The following ATP13A4 variants were observed in gnomAD, a reference collection of about 807,000 sequenced individuals.
ATP13A4 encodes the protein ATPase 13A4, also known as probable cation-transporting ATPase 13A4.
ATP13A4 carries 114 observed loss-of-function variants against 142.5 expected under a neutral mutation model. The ratio of observed to expected loss-of-function variants is 0.80; its 90% CI spans 0.69 to 0.93. ATP13A4 has a LOEUF of 0.93. Among genes scored for constraint, ATP13A4 ranks in the 40% least tolerant of loss-of-function variants. The pLI is 0.00. For missense variants in ATP13A4, 1,392 were observed against 1,454.0 expected (o/e 0.96, Z 0.69); for synonymous variants, 488 against 514.8 (o/e 0.95, Z 0.70).
At chr3:193,479,001 A>C (rs554021737) in intron 8 of ATP13A4, among the ~76,000 whole-genome samples, 41 of 152,256 alleles carry the variant, frequency 2.7e-4, no homozygotes, top group African/African-American at 8.9e-4. Flanking sequence ...CACATAAAGA[A>C]AATTGAAAAC....
chr3:193,441,669 A>G, intron 19 of ATP13A4, 81 bp from the exon 20 acceptor site: 3 of 1,505,796 alleles, frequency 2.0e-6, no homozygotes, highest in Non-Finnish European at 2.8e-6. Flanking sequence ...AGAGAAGTTA[A>G]TGAAGACAGA....
At chr3:193,586,267 C>T (rs1357058091) in intron 1 of ATP13A4, among the ~76,000 whole-genome samples, 1 of 152,136 alleles carries the variant, frequency 6.6e-6, no homozygotes, top group East Asian at 1.9e-4. Context: ...AAAATATTTT[C>T]TTCCAATTTG....
intron 3 of ATP13A4, among the ~76,000 whole-genome samples, chr3:193,498,356 T>C (rs1244808387): frequency 2.0e-5 from 3 of 149,366 alleles, no homozygotes; most frequent in Admixed American, 6.7e-5. Flanking sequence ...AAAAAGGAAG[T>C]GAGGGTCTGA....
chr3:193,508,100 C>T (rs1416744055), intron 2 of ATP13A4, among the ~76,000 whole-genome samples: 1 of 152,114 alleles, frequency 6.6e-6, no homozygotes, highest in Admixed American at 6.6e-5. Flanking sequence ...AGAAAAGACC[C>T]CATGAAGACA....
rs545993010 is a variant in ATP13A4 at position 193,469,605 on chromosome 3, G to A, written c.943+1254C>T. ...ATCAAGCTACTGCACTTCAACCTGC[G>A]TGACAGAGTGAGTGAGACTATGTCT... On this transcript the variant is annotated intron_variant, in intron 9 of 29. Coordinates refer to ENST00000342695, the MANE Select transcript of ATP13A4 (RefSeq NM_032279.4). Among the ~76,000 whole-genome samples the A allele has an allele frequency of 3.7e-4, 57 of 152,310 alleles. No individual in the cohort carries two copies. In the East Asian group the frequency reaches 5.8e-3, roughly 15 times the overall value.
rs1334257799 is a variant in ATP13A4 at position 193,401,293 on chromosome 3, C to T, written c.*1359G>A. 2.0e-5 allele frequency among the ~76,000 whole-genome samples: 3 copies of T among 152,070 alleles called. No homozygotes were observed. The highest frequency in any genetic ancestry group is 2.0e-4 in the Admixed American group (3 of 15,266). Reference sequence around the variant, plus strand: ...GTGTTGTCTCCTGAGGTAACAGAAACCTGAGTCTTCCTTGTGCTGAACAAA... The same window carrying T: ...GTGTTGTCTCCTGAGGTAACAGAAATCTGAGTCTTCCTTGTGCTGAACAAA... On this transcript the variant is annotated 3_prime_UTR_variant, in exon 30 of 30. Coordinates refer to ENST00000342695, the MANE Select transcript of ATP13A4 (RefSeq NM_032279.4).
In ATP13A4 at chr3:193,462,239, G is replaced by GA. The variant is rs552124112; in HGVS notation, c.1523+522dup. Among the ~76,000 whole-genome samples the GA allele has an allele frequency of 1.7e-3, 248 of 141,896 alleles. 4 individuals are homozygous for GA. In the South Asian group the frequency reaches 0.021, roughly 12 times the overall value. 93.1% of individuals were successfully genotyped at this position (141,896 alleles called of 152,430 possible). On this transcript the variant is annotated intron_variant, in intron 13 of 29. Transcript: ENST00000342695. ...CTCCGTCTCAAAAAAAAAAAAAAAA[G>GA]AAAAAAGAGAGTTTCCAGCAGCCAG...
At position 193,399,429 on chromosome 3, in the gene ATP13A4, G is replaced by A. The variant is rs1714192600; in HGVS notation, c.*3223C>T. Among the ~76,000 whole-genome samples the A allele has an allele frequency of 6.6e-6, 1 of 152,050 alleles. No individual in the cohort carries two copies. Among genetic ancestry groups the A allele is most frequent in the African/African-American group, 2.4e-5 (1 of 41,382 alleles). On this transcript the variant is annotated 3_prime_UTR_variant, in exon 30 of 30. Coordinates refer to ENST00000342695, the MANE Select transcript of ATP13A4 (RefSeq NM_032279.4). The stretch of plus-strand genomic sequence containing the variant: ...TTCCTAGGATCTTATCTCCATTAGG[G>A]GTCCCCTTTCAAGGTACAGGGCAAT...
chr3:193,400,382 C>T lies in ATP13A4; in HGVS notation c.*2270G>A, dbSNP rs1340835447. Among the ~76,000 whole-genome samples the T allele has an allele frequency of 6.6e-6, 1 of 152,216 alleles. No homozygotes were observed. Among genetic ancestry groups the T allele is most frequent in the East Asian group, 1.9e-4 (1 of 5,194 alleles). ...TCACTTAGGATCAAGGCAAGAGCAA[C>T]TCAAAGTCTCAGAAAGACAGACAAT... On this transcript the variant is annotated 3_prime_UTR_variant, in exon 30 of 30. Transcript: ENST00000342695.
chr3:193,515,469 T>C (rs1486941709), intron 1 of ATP13A4, among the ~76,000 whole-genome samples: 2 of 152,166 alleles, frequency 1.3e-5, no homozygotes, highest in Non-Finnish European at 2.9e-5. Context: ...AACAAGTAAA[T>C]GCCAGCTTGC....
intron 1 of ATP13A4, among the ~76,000 whole-genome samples, chr3:193,522,098 A>C (rs2108691630): frequency 6.6e-6 from 1 of 152,338 alleles, no homozygotes; most frequent in South Asian, 2.1e-4. Flanking sequence ...GCTGAGCTGC[A>C]GTCTGATTAT....
At chr3:193,538,977 G>A (rs1041086784) in intron 1 of ATP13A4, among the ~76,000 whole-genome samples, 6 of 147,746 alleles carry the variant, frequency 4.1e-5, no homozygotes, top group South Asian at 2.1e-4. Context: ...AGGTTCAAGC[G>A]ATTCTCCTGC....
At chr3:193,440,660 A>AT (rs773120369) in intron 20 of ATP13A4, 23 bp from the exon 21 acceptor site, 64 of 1,611,624 alleles carry the variant, frequency 4.0e-5, no homozygotes, top group Admixed American at 2.5e-4. Flanking sequence ...CAAAATGGAG[A>AT]TTTTTTTATC....
exon 2 of ATP13A4, chr3:193,581,840 T>C (rs1002134589): frequency 2.0e-5 from 3 of 152,146 alleles, no homozygotes; most frequent in African/African-American, 7.2e-5. Flanking sequence ...ACATTTCTCC[T>C]GCTAACATCC....
At chr3:193,501,229 A>G (rs986659329) in intron 3 of ATP13A4, among the ~76,000 whole-genome samples, 6 of 152,212 alleles carry the variant, frequency 3.9e-5, no homozygotes, top group African/African-American at 1.4e-4. Flanking sequence ...GACATCTAAC[A>G]GATTAGGGAA....
chr3:193,434,343 C>T (rs1364987949), intron 24 of ATP13A4, among the ~76,000 whole-genome samples: 1 of 152,080 alleles, frequency 6.6e-6, no homozygotes, highest in Non-Finnish European at 1.5e-5. Context: ...AATAAGTAAA[C>T]TCACTATTTG....
intron 6 of ATP13A4, 35 bp downstream of exon 6, chr3:193,491,294 T>G: frequency 6.6e-7 from 1 of 1,505,176 alleles, no homozygotes; most frequent in Non-Finnish European, 9.2e-7. Flanking sequence ...CCTTATTTTC[T>G]GTCCAACACC....
At chr3:193,442,136 C>T (rs1359639897) in intron 19 of ATP13A4, among the ~76,000 whole-genome samples, 1 of 152,296 alleles carries the variant, frequency 6.6e-6, no homozygotes, top group East Asian at 1.9e-4. Context: ...AGATTCAACT[C>T]CACGCACTAT....
At chr3:193,555,687 G>A (rs546737234), upstream of ATP13A4, among the ~76,000 whole-genome samples, 21 of 152,330 alleles carry the variant, frequency 1.4e-4, no homozygotes, top group South Asian at 3.9e-3. Flanking sequence ...TGCTACCCTC[G>A]TGTTGATGTA....
Sources: allele counts gnomAD v4.1 joint callset (sites outside exome capture counted in the v4.1 genomes callset), GRCh38; gene constraint gnomAD v4.1.1; transcripts MANE v1.5; gene names NCBI Gene and HGNC (gene_info 2026-07-23, HGNC 2026-07-21).